Variants in BCAR3 observed in about 807,000 individuals in gnomAD.
BCAR3 encodes the protein breast cancer anti-estrogen resistance protein 3.
Under a neutral mutation model 80.1 loss-of-function variants are expected in BCAR3, and 37 were observed. The ratio of observed to expected loss-of-function variants is 0.46; its 90% CI spans 0.36 to 0.61. The LOEUF is 0.61. Among genes scored for constraint, BCAR3 ranks in the 20% least tolerant of loss-of-function variants. The pLI, the probability that BCAR3 is intolerant of heterozygous loss-of-function variation, is 0.00. For missense variants in BCAR3, 978 were observed against 1,068.2 expected (o/e 0.92, Z 1.18); for synonymous variants, 389 against 418.9 (o/e 0.93, Z 0.87).
Position 93,589,135 on chromosome 1 carries a change from C to G in BCAR3, c.771G>C (p.Val257=). The G allele has an allele frequency of 3.1e-6, 5 of 1,613,486 alleles. No homozygotes were observed. Among genetic ancestry groups the G allele is most frequent in the Non-Finnish European group, 3.4e-6 (4 of 1,179,772 alleles). Residue 257 remains valine (V), a synonymous_variant, in exon 5 of 12, where the codon GTG becomes GTC. Coordinates refer to ENST00000260502, the MANE Select transcript of BCAR3 (RefSeq NM_003567.4). ...AATGCTCCTCCAGGCACCGCAGAGG[C>G]ACCGTCCTGTTGATGGGCTGGAAGA... The part of the protein sequence containing the change: ...AIIFQPINRT[V]PLRCLEEHYG...
intron 2 of BCAR3, among the ~76,000 whole-genome samples, chr1:93,766,342 G>A (rs1652148375): frequency 6.6e-6 from 1 of 152,250 alleles, no homozygotes; most frequent in Non-Finnish European, 1.5e-5. Flanking sequence ...GTAACACTAA[G>A]TGTGCATGTG....
At chr1:93,650,274 A>G (rs1676281297) in intron 2 of BCAR3, among the ~76,000 whole-genome samples, 1 of 152,226 alleles carries the variant, frequency 6.6e-6, no homozygotes, top group African/African-American at 2.4e-5. Context: ...AATCCCAGCT[A>G]TTTGGAAGCC....
At chr1:93,718,815 C>T (rs1650282315) in intron 2 of BCAR3, among the ~76,000 whole-genome samples, 1 of 150,824 alleles carries the variant, frequency 6.6e-6, no homozygotes, top group South Asian at 2.1e-4. Flanking sequence ...CCCATTTCAG[C>T]CTCCCATGTA....
At chr1:93,700,513 C>T (rs1649602284) in intron 3 of BCAR3, among the ~76,000 whole-genome samples, 1 of 152,244 alleles carries the variant, frequency 6.6e-6, no homozygotes. Context: ...CACTGGCAGA[C>T]ATCTGCACTG....
chr1:93,751,528 G>A (rs893633624), intron 2 of BCAR3, among the ~76,000 whole-genome samples: 14 of 152,162 alleles, frequency 9.2e-5, no homozygotes, highest in Admixed American at 5.9e-4. Context: ...GCCATGCCTC[G>A]GGCTCAAACA....
At position 93,592,625 on chromosome 1, in the gene BCAR3, G is replaced by C; in HGVS notation, c.358-232C>G. ...ACTATGGTAGGAGAGTCCACCAAGAGGTTCCTTTTACCAGTCTACTCAAGC... is the reference window on the plus strand; with the variant it reads ...ACTATGGTAGGAGAGTCCACCAAGACGTTCCTTTTACCAGTCTACTCAAGC... On this transcript the variant is annotated intron_variant, in intron 3 of 11. Transcript: ENST00000260502. This position sits in a 1 kb window ranked among gnomAD's most constrained non-coding sequence, Gnocchi z 4.8. 1 of 454,958 alleles carries C rather than the reference G, an allele frequency of 2.2e-6. No homozygotes were observed. Among genetic ancestry groups the C allele is most frequent in the South Asian group, 2.8e-5 (1 of 36,238 alleles). The allele number at this position is 454,958 out of a possible 1,614,324, so 28.2% of individuals were successfully genotyped here.
At chr1:93,759,009 G>A (rs189026161) in intron 2 of BCAR3, among the ~76,000 whole-genome samples, 15 of 152,252 alleles carry the variant, frequency 9.9e-5, no homozygotes, top group Admixed American at 8.5e-4. Context: ...TTAGCACCCT[G>A]TTATCCCTCT....
rs1222341142 is a variant in BCAR3 at position 93,720,769 on chromosome 1, C to A, written c.-62-14627G>T. Among the ~76,000 whole-genome samples, 3 of 152,176 alleles carry A rather than the reference C, an allele frequency of 2.0e-5. No homozygotes were observed. The East Asian group carries it at 5.8e-4, about 29-fold the overall frequency. On this transcript the variant is annotated intron_variant, in intron 2 of 13. Transcript: ENST00000370244. The stretch of plus-strand genomic sequence containing the variant: ...TCCCCGGAGCCAGAGGAACACAGAC[C>A]CACCCGCCCCTACACACCCTGGGCC...
intron 2 of BCAR3, among the ~76,000 whole-genome samples, chr1:93,733,924 A>G (rs540234047): frequency 3.9e-5 from 6 of 152,282 alleles, no homozygotes; most frequent in South Asian, 2.1e-4. Flanking sequence ...CCAAAATCCA[A>G]TCTCTGAGGG....
intron 3 of BCAR3, among the ~76,000 whole-genome samples, chr1:93,637,107 C>T (rs1675806479): frequency 6.6e-6 from 1 of 151,594 alleles, no homozygotes. Context: ...AAAAACAAAA[C>T]AAACAAAGCA....
At chr1:93,811,422 G>A (rs1028346992) in intron 2 of BCAR3, among the ~76,000 whole-genome samples, 1 of 152,204 alleles carries the variant, frequency 6.6e-6, no homozygotes, top group Non-Finnish European at 1.5e-5. Context: ...TGCTTTCAAA[G>A]ACAGAGGGTG....
chr1:93,587,697 CCG>C (rs71586801), intron 5 of BCAR3, among the ~76,000 whole-genome samples: 8,862 of 140,674 alleles, frequency 0.063, 920 homozygotes, highest in African/African-American at 0.21. Flanking sequence ...ATGGACCCCC[CCG>C]CCAAAAAAAA....
chr1:93,778,894 T>C (rs1280927679), intron 2 of BCAR3, among the ~76,000 whole-genome samples: 2 of 152,212 alleles, frequency 1.3e-5, no homozygotes, highest in Non-Finnish European at 2.9e-5. Flanking sequence ...CCTCACAATA[T>C]ATAGGCTCTT....
rs894386619 is a variant in BCAR3 at position 93,617,322 on chromosome 1, T to C, written c.358-24929A>G. On this transcript the variant is annotated intron_variant, in intron 3 of 11. Transcript: ENST00000260502. ...GATGGCAGGAGAAAGATATGCCTGC[T>C]AGGTACCTGCTTTTCACTGTTTCAG... Among the ~76,000 whole-genome samples, 3 of 152,294 alleles carry C rather than the reference T, an allele frequency of 2.0e-5. No individual in the cohort carries two copies. In the South Asian group the frequency reaches 6.2e-4, roughly 32 times the overall value.
chr1:93,730,808 ACC>A, intron 2 of BCAR3, among the ~76,000 whole-genome samples: 1 of 152,284 alleles, frequency 6.6e-6, no homozygotes, highest in East Asian at 1.9e-4. Context: ...GGTGGAGCTT[ACC>A]TCCTTCCCCC....
chr1:93,798,697 T>G (rs893285201), intron 2 of BCAR3, among the ~76,000 whole-genome samples: 2 of 152,222 alleles, frequency 1.3e-5, no homozygotes, highest in African/African-American at 4.8e-5. Flanking sequence ...CTCTCTATGA[T>G]GTCTACATGA....
intron 1 of BCAR3, among the ~76,000 whole-genome samples, chr1:93,677,895 C>T (rs1328224661): frequency 1.3e-5 from 2 of 152,150 alleles, no homozygotes; most frequent in Non-Finnish European, 2.9e-5. Context: ...GAGAGTAGAT[C>T]CCTTAACTTG....
At chr1:93,569,167 T>C (rs1273962652) in intron 9 of BCAR3, among the ~76,000 whole-genome samples, 3 of 152,216 alleles carry the variant, frequency 2.0e-5, no homozygotes, top group African/African-American at 7.2e-5. Flanking sequence ...CATTAGTATT[T>C]GGGGAATAAG....
chr1:93,726,185 C>T (rs1263857867), intron 2 of BCAR3, among the ~76,000 whole-genome samples: 2 of 152,120 alleles, frequency 1.3e-5, no homozygotes, highest in African/African-American at 4.8e-5. Context: ...CCACCTCAGC[C>T]TCCTGAGTAG....
Sources: allele counts gnomAD v4.1 joint callset (sites outside exome capture counted in the v4.1 genomes callset), GRCh38; gene constraint gnomAD v4.1.1; non-coding constraint Gnocchi (gnomAD v3.1); transcripts MANE v1.5; gene names NCBI Gene and HGNC (gene_info 2026-07-23, HGNC 2026-07-21).